Variants in RNF180 observed in about 807,000 individuals in gnomAD.
The protein encoded by RNF180 is E3 ubiquitin-protein ligase RNF180.
In RNF180, 38 loss-of-function variants were observed where a neutral mutation model predicts 59.2. The observed-to-expected ratio is 0.64, with a 90% confidence interval of 0.50 to 0.84. The LOEUF (loss-of-function observed/expected upper bound fraction) is 0.84, where lower values mean the gene tolerates loss of function less well. Among genes scored for constraint, RNF180 ranks in the 40% least tolerant of loss-of-function variants. The probability of loss-of-function intolerance (pLI) is 0.00; values close to 1 mark genes in which losing one functional copy is unlikely to be tolerated. For missense variants in RNF180, 705 were observed against 700.9 expected (o/e 1.01, Z -0.07); for synonymous variants, 262 against 240.3 (o/e 1.09, Z -0.84).
intron 5 of RNF180, among the ~76,000 whole-genome samples, chr5:64,218,037 T>C (rs1752730366): frequency 6.6e-6 from 1 of 152,210 alleles, no homozygotes; most frequent in South Asian, 2.1e-4. Flanking sequence ...TCATTTGATA[T>C]GTGATTTGTA....
intron 7 of RNF180, among the ~76,000 whole-genome samples, chr5:64,358,083 T>G (rs1185475745): frequency 1.3e-5 from 2 of 151,848 alleles, no homozygotes. Flanking sequence ...TATTAGTTAC[T>G]TCATTGTTTT....
chr5:64,359,442 A>G (rs1273174805), intron 7 of RNF180, among the ~76,000 whole-genome samples: 1 of 152,064 alleles, frequency 6.6e-6, no homozygotes, highest in South Asian at 2.1e-4. Context: ...TCCTTTGAGA[A>G]GTGTCTGTTC....
intron 5 of RNF180, chr5:64,217,633 A>G (rs1023960902): frequency 3.8e-6 from 2 of 520,040 alleles, no homozygotes; most frequent in African/African-American, 2.0e-5. Context: ...TTACATTTGT[A>G]TATATTCTTT....
chr5:64,173,251 T>C (rs987624742), intron 1 of RNF180, among the ~76,000 whole-genome samples: 2 of 152,250 alleles, frequency 1.3e-5, no homozygotes, highest in African/African-American at 4.8e-5. Flanking sequence ...AGAATAATTT[T>C]ACATATTTCT....
At position 64,332,219 on chromosome 5, in the gene RNF180, G is replaced by A. The variant is rs538536754; in HGVS notation, c.1579+1813G>A. On this transcript the variant is annotated intron_variant, in intron 7 of 7. Coordinates refer to ENST00000389100, the MANE Select transcript of RNF180 (RefSeq NM_001113561.2). ...GCAGAAGATGCCGTCAGCTACAGAG[G>A]TTTCTGGCTGGTGAAGTGACACCCT... Among the ~76,000 whole-genome samples, 18 of 152,256 alleles carry A rather than the reference G, an allele frequency of 1.2e-4. No individual in the cohort carries two copies. In the East Asian group the frequency reaches 3.3e-3, roughly 28 times the overall value.
intron 6 of RNF180, among the ~76,000 whole-genome samples, chr5:64,330,064 A>G (rs774997135): frequency 1.3e-5 from 2 of 152,180 alleles, no homozygotes; most frequent in African/African-American, 4.8e-5. Flanking sequence ...TTTATGTTCT[A>G]TGTGTAGGCA....
At chr5:64,249,686 G>T (rs1220763807) in intron 5 of RNF180, among the ~76,000 whole-genome samples, 1 of 152,098 alleles carries the variant, frequency 6.6e-6, no homozygotes, top group African/African-American at 2.4e-5. Flanking sequence ...ACTTATATCA[G>T]ATAAAATAGA....
intron 5 of RNF180, among the ~76,000 whole-genome samples, chr5:64,249,959 A>G (rs907665390): frequency 2.0e-5 from 3 of 152,292 alleles, no homozygotes; most frequent in East Asian, 1.9e-4. Flanking sequence ...TCTAGATCAA[A>G]TGGACTTAAC....
In RNF180 at chr5:64,215,703, G is replaced by A. The variant is rs1752586407; in HGVS notation, c.1191+1186G>A. ...TTCATTGAGACTCGAGCTATACATA[G>A]GTAAATTGGAAGTGATCATATGTTA... On this transcript the variant is annotated intron_variant, in intron 4 of 7. Transcript: ENST00000389100. Among the ~76,000 whole-genome samples the A allele has an allele frequency of 3.3e-5, 5 of 151,914 alleles. 1 individual carries two copies. The South Asian group carries it at 1.0e-3, about 32-fold the overall frequency.
At chr5:64,336,786 A>T (rs1194618057) in intron 7 of RNF180, among the ~76,000 whole-genome samples, 1 of 152,020 alleles carries the variant, frequency 6.6e-6, no homozygotes, top group Non-Finnish European at 1.5e-5. Flanking sequence ...TTTCTTTTAT[A>T]TTCTAGATAT....
In RNF180 at chr5:64,213,763, G is replaced by A; in HGVS notation, c.437G>A (p.Gly146Asp). 1 of 1,614,192 alleles carries A rather than the reference G, an allele frequency of 6.2e-7. No homozygotes were observed. Among genetic ancestry groups the A allele is most frequent in the African/African-American group, 1.3e-5 (1 of 75,064 alleles). The change falls in exon 4 of 8, where the codon GGT becomes GAT. Residue 146 changes from glycine to aspartate, a missense_variant. Transcript: ENST00000389100. Reference protein sequence around the residue: ...KYLSHPRVQSGCDKEALLTGG... With the variant: ...KYLSHPRVQSDCDKEALLTGG... ...TTGTCACATCCTAGAGTTCAGTCAGGTTGTGACAAGGAAGCTCTGCTGACA... is the reference window on the plus strand; with the variant it reads ...TTGTCACATCCTAGAGTTCAGTCAGATTGTGACAAGGAAGCTCTGCTGACA...
intron 1 of RNF180, among the ~76,000 whole-genome samples, chr5:64,176,702 C>T (rs1479902847): frequency 1.3e-5 from 2 of 152,144 alleles, no homozygotes; most frequent in Non-Finnish European, 2.9e-5. Context: ...GTTTTATAAT[C>T]TCTTTACCTG....
intron 5 of RNF180, among the ~76,000 whole-genome samples, chr5:64,312,162 G>A (rs1743801167): frequency 6.6e-6 from 1 of 151,972 alleles, no homozygotes; most frequent in Non-Finnish European, 1.5e-5. Flanking sequence ...TATACTTCTG[G>A]ATTTTTTCAG....
intron 1 of RNF180, among the ~76,000 whole-genome samples, chr5:64,193,900 A>G (rs547311932): frequency 2.2e-4 from 34 of 152,266 alleles, no homozygotes; most frequent in African/African-American, 6.7e-4. Flanking sequence ...ACACTGCCCC[A>G]TATTGGGCAC....
At position 64,258,446 on chromosome 5, in the gene RNF180, A is replaced by G. The variant is rs559177859; in HGVS notation, c.1227+41050A>G. 3.9e-4 allele frequency among the ~76,000 whole-genome samples: 59 copies of G among 152,296 alleles called. 1 individual carries two copies. In the Middle Eastern group the frequency reaches 0.02, roughly 53 times the overall value. ...CTGAACCAATAAAATGATATGATGC[A>G]TTGACAAATTTGAGAGAGACTGAGT... is the stretch of plus-strand genomic sequence containing the variant. On this transcript the variant is annotated intron_variant, in intron 5 of 7. Transcript: ENST00000389100.
intron 5 of RNF180, among the ~76,000 whole-genome samples, chr5:64,287,432 A>G (rs1199796598): frequency 6.6e-6 from 1 of 152,176 alleles, no homozygotes; most frequent in Non-Finnish European, 1.5e-5. Context: ...TAGTTGACCC[A>G]CCATTGCCTA....
chr5:64,185,231 T>C (rs1315360085), intron 1 of RNF180, among the ~76,000 whole-genome samples: 1 of 152,226 alleles, frequency 6.6e-6, no homozygotes, highest in Non-Finnish European at 1.5e-5. Context: ...TTTGGCTATA[T>C]TCCTGTAGCA....
chr5:64,340,983 GCA>G (rs1745334361), intron 7 of RNF180, among the ~76,000 whole-genome samples: 1 of 151,414 alleles, frequency 6.6e-6, no homozygotes. Context: ...TCTTCCTTTT[GCA>G]CACACACTCA....
At chr5:64,174,841 T>G (rs1188267872) in intron 1 of RNF180, among the ~76,000 whole-genome samples, 4 of 152,136 alleles carry the variant, frequency 2.6e-5, no homozygotes, top group Admixed American at 1.3e-4. Flanking sequence ...GTTGCCTGTG[T>G]TTTTGAGGTC....
Sources: gnomAD v4.1 joint callset for allele counts (sites outside exome capture counted in the v4.1 genomes callset) on GRCh38, gnomAD v4.1.1 for gene constraint, MANE v1.5 for transcripts, NCBI Gene and HGNC (gene_info 2026-07-23, HGNC 2026-07-21) for gene names.